STK32C: variants seen among roughly 807,000 people sequenced by gnomAD.
The protein encoded by STK32C is serine/threonine kinase 32C.
STK32C carries 31 observed loss-of-function variants against 56.5 expected under a neutral mutation model. That is an observed-to-expected ratio of 0.55 (90% CI 0.41 to 0.74). STK32C has a LOEUF of 0.74. STK32C is among the 30% of genes least tolerant of loss of function. STK32C has a pLI of 0.00. For missense variants in STK32C, 544 were observed against 676.9 expected (o/e 0.80, Z 2.18); for synonymous variants, 309 against 289.4 (o/e 1.07, Z -0.69).
At chr10:132,222,303 G>GCCGACGCAC in intron 10 of STK32C, among the ~76,000 whole-genome samples, 1 of 118,516 alleles carries the variant, frequency 8.4e-6, no homozygotes, top group African/African-American at 3.2e-5. Flanking sequence ...CATACCTGAT[G>GCCGACGCAC]CTGACGCACC....
At chr10:132,331,366 C>T in intron 1 of STK32C, 1 of 1,487,356 alleles carries the variant, frequency 6.7e-7, no homozygotes, top group East Asian at 2.3e-5. Context: ...ACCACGCGAG[C>T]ACCTCCCCTC....
chr10:132,289,472 G>T (rs1363083663), intron 1 of STK32C, among the ~76,000 whole-genome samples: 1 of 152,308 alleles, frequency 6.6e-6, no homozygotes, highest in African/African-American at 2.4e-5. Context: ...ACATAAATGG[G>T]CTAAAGAATT....
chr10:132,211,220 C>G (rs541350952), intron 10 of STK32C, among the ~76,000 whole-genome samples: 5 of 152,130 alleles, frequency 3.3e-5, no homozygotes, highest in African/African-American at 1.2e-4. Context: ...TCTGCAAACT[C>G]GGGCCGGCCT....
intron 1 of STK32C, among the ~76,000 whole-genome samples, chr10:132,303,465 G>A (rs555300967): frequency 2.0e-5 from 3 of 152,166 alleles, no homozygotes; most frequent in African/African-American, 4.8e-5. Flanking sequence ...CACATCCATA[G>A]AGAAAAAAGC....
chr10:132,277,302 C>T (rs1217187823), intron 1 of STK32C, among the ~76,000 whole-genome samples: 1 of 152,166 alleles, frequency 6.6e-6, no homozygotes, highest in Non-Finnish European at 1.5e-5. Flanking sequence ...CTGGACTTCC[C>T]AAGTTGCAGC....
rs147951709 is a variant in STK32C, at chr10:132,288,511, G to T, written c.262+19061C>A. On this transcript the variant is annotated intron_variant, in intron 1 of 11. Coordinates refer to ENST00000298630, the MANE Select transcript of STK32C (RefSeq NM_173575.4). Reference sequence around the variant, plus strand: ...AAGGGTCAAGGGCGAGCTTTCTGAGGTGACAGACATATTCTACATCTTTAT... The same window carrying T: ...AAGGGTCAAGGGCGAGCTTTCTGAGTTGACAGACATATTCTACATCTTTAT... Among the ~76,000 whole-genome samples, 35 of 152,320 alleles carry T rather than the reference G, an allele frequency of 2.3e-4. No homozygotes were observed. In the East Asian group the frequency reaches 6.4e-3, roughly 28 times the overall value.
At chr10:132,218,439 T>C (rs1171919378) in intron 10 of STK32C, among the ~76,000 whole-genome samples, 3 of 152,208 alleles carry the variant, frequency 2.0e-5, no homozygotes, top group African/African-American at 7.2e-5. Flanking sequence ...CAATGCCTGA[T>C]AAAACACCTC....
rs61864482 is a variant in STK32C at position 132,284,688 on chromosome 10, A to G, written c.262+22884T>C. ...GCATGAACCCAGAACACATTCCCACATCTGCCCAAAGACCAGGCATGAACC... is the reference window on the plus strand; with the variant it reads ...GCATGAACCCAGAACACATTCCCACGTCTGCCCAAAGACCAGGCATGAACC... On this transcript the variant is annotated intron_variant, in intron 1 of 11. Coordinates refer to ENST00000298630, the MANE Select transcript of STK32C (RefSeq NM_173575.4). Among the ~76,000 whole-genome samples, 66 of 138,484 alleles carry G rather than the reference A, an allele frequency of 4.8e-4. No homozygotes were observed. In the Middle Eastern group the frequency reaches 0.017, roughly 36 times the overall value. 90.9% of individuals were successfully genotyped at this position (138,484 alleles called of 152,430 possible).
At position 132,213,803 on chromosome 10, in the gene STK32C, T is replaced by A. The variant is rs377315555; in HGVS notation, c.1252-4702A>T. ...ATGGGGAACAGAAGGGCAATGTAAG[T>A]AGAGAGATGGAAACTCCAAGGAGGG... On this transcript the variant is annotated intron_variant, in intron 10 of 11. Transcript: ENST00000298630. Among the ~76,000 whole-genome samples, 35 of 152,010 alleles carry A rather than the reference T, an allele frequency of 2.3e-4. 1 individual carries two copies. The South Asian group carries it at 5.4e-3, about 23-fold the overall frequency.
intron 1 of STK32C, chr10:132,330,292 G>A: frequency 3.3e-6 from 2 of 614,194 alleles, no homozygotes; most frequent in Non-Finnish European, 6.0e-6. Context: ...ACGCTCAAAT[G>A]GTTAGTAAAT....
At chr10:132,225,016 GC>G (rs1206406073) in intron 7 of STK32C, among the ~76,000 whole-genome samples, 1 of 152,042 alleles carries the variant, frequency 6.6e-6, no homozygotes, top group Non-Finnish European at 1.5e-5. Flanking sequence ...GCAGGCACCA[GC>G]AGCGGCCCCG....
In STK32C at chr10:132,244,272, C is replaced by G. The variant is rs375528963; in HGVS notation, c.318+1628G>C. On this transcript the variant is annotated intron_variant, in intron 2 of 11. Coordinates refer to ENST00000298630, the MANE Select transcript of STK32C (RefSeq NM_173575.4). ...ACTACCCCGCATCTGAACACGGCAC[C>G]CAGCAGCTCGCTCCTGTTCCCCGCA... 1.8e-3 allele frequency among the ~76,000 whole-genome samples: 269 copies of G among 152,318 alleles called. 3 individuals carry two copies. Among genetic ancestry groups the G allele is most frequent in the African/African-American group, 5.9e-3 (247 of 41,570 alleles).
intron 10 of STK32C, among the ~76,000 whole-genome samples, chr10:132,221,703 GC>G (rs1565070841): frequency 5.7e-5 from 6 of 105,154 alleles, no homozygotes; most frequent in South Asian, 3.9e-4. Context: ...CACAACTGAT[GC>G]TGACGCACCT....
chr10:132,214,782 G>A (rs1381829334), intron 10 of STK32C, among the ~76,000 whole-genome samples: 1 of 152,238 alleles, frequency 6.6e-6, no homozygotes, highest in Non-Finnish European at 1.5e-5. Flanking sequence ...CTGCACATGA[G>A]GGGGCAGAGT....
At chr10:132,323,593 T>C (rs183843440), downstream of STK32C, among the ~76,000 whole-genome samples, 524 of 152,322 alleles carry the variant, frequency 3.4e-3, 1 homozygote, top group African/African-American at 0.012. The surrounding 1 kb of genome is among the most constrained non-coding windows in gnomAD (Gnocchi z 4.8). Context: ...GTTAGGTACA[T>C]GAATTCAGGT....
chr10:132,267,191 G>A (rs553016872), intron 1 of STK32C, among the ~76,000 whole-genome samples: 1 of 152,368 alleles, frequency 6.6e-6, no homozygotes, highest in South Asian at 2.1e-4. Flanking sequence ...TGCAGTAGCA[G>A]CCCCTTTAGA....
chr10:132,220,275 G>T (rs1266667221), intron 10 of STK32C, among the ~76,000 whole-genome samples: 1 of 152,252 alleles, frequency 6.6e-6, no homozygotes. Flanking sequence ...CTGGGGGGAT[G>T]CGTCTAGGCC....
chr10:132,249,057 A>T (rs779791806), intron 1 of STK32C: 1 of 476,686 alleles, frequency 2.1e-6, no homozygotes, highest in Non-Finnish European at 4.2e-6. Flanking sequence ...TGTGCGACGG[A>T]GGCGGCGGCT....
chr10:132,302,289 C>A (rs2065932169), intron 1 of STK32C, among the ~76,000 whole-genome samples: 1 of 152,222 alleles, frequency 6.6e-6, no homozygotes, highest in African/African-American at 2.4e-5. Flanking sequence ...GAAAAGCCGG[C>A]TTATTTTTAG....
Sources: gnomAD v4.1 joint callset for allele counts (sites outside exome capture counted in the v4.1 genomes callset) on GRCh38, gnomAD v4.1.1 for gene constraint, Gnocchi (gnomAD v3.1) non-coding constraint, MANE v1.5 for transcripts, NCBI Gene and HGNC (gene_info 2026-07-23, HGNC 2026-07-21) for gene names.